Variants in NRXN1 observed in about 807,000 individuals in gnomAD.
The protein encoded by NRXN1 is neurexin-1.
Under a neutral mutation model 150.9 loss-of-function variants are expected in NRXN1, and 39 were observed. That is an observed-to-expected ratio of 0.26 (90% CI 0.20 to 0.34). The LOEUF (loss-of-function observed/expected upper bound fraction) is 0.34, where lower values mean the gene tolerates loss of function less well. Ranked by LOEUF, NRXN1 falls within the 10% of genes least tolerant of loss-of-function variation. The pLI is 1.00. For missense variants in NRXN1, 1,815 were observed against 1,949.9 expected (o/e 0.93, Z 1.30); for synonymous variants, 924 against 757.0 (o/e 1.22, Z -3.62).
intron 5 of NRXN1, among the ~76,000 whole-genome samples, chr2:50,757,362 T>G (rs909116388): frequency 2.0e-5 from 3 of 151,548 alleles, no homozygotes; most frequent in African/African-American, 7.3e-5. Context: ...AGAGAGCAAA[T>G]TGGTAATGAT....
intron 8 of NRXN1, among the ~76,000 whole-genome samples, chr2:50,605,784 C>CA (rs1376192447): frequency 6.8e-6 from 1 of 148,120 alleles, no homozygotes; most frequent in Non-Finnish European, 1.5e-5. Context: ...AGCAATCCCA[C>CA]TTCTGAATAT....
chr2:50,037,967 C>T (rs1413970632), intron 21 of NRXN1, among the ~76,000 whole-genome samples: 1 of 152,100 alleles, frequency 6.6e-6, no homozygotes, highest in Non-Finnish European at 1.5e-5. Context: ...GCCTTCTCAT[C>T]TGTCATTTGA....
intron 5 of NRXN1, among the ~76,000 whole-genome samples, chr2:50,634,963 C>A (rs193069942): frequency 6.6e-6 from 1 of 152,210 alleles, no homozygotes; most frequent in East Asian, 1.9e-4. Flanking sequence ...TCTGTCTCAT[C>A]CCCCAGCTCA....
intron 17 of NRXN1, among the ~76,000 whole-genome samples, chr2:50,243,909 T>C (rs1238787451): frequency 6.6e-6 from 1 of 151,752 alleles, no homozygotes; most frequent in South Asian, 2.1e-4. Context: ...AATAAAACAA[T>C]TGAGAAAATG....
chr2:51,007,342 GT>G (rs1667180086), intron 2 of NRXN1, among the ~76,000 whole-genome samples: 1 of 151,782 alleles, frequency 6.6e-6, no homozygotes. Flanking sequence ...ATCTAAGAGG[GT>G]TAAAAATATG....
At chr2:50,500,276 T>G (rs1249035119) in intron 13 of NRXN1, among the ~76,000 whole-genome samples, 1 of 152,008 alleles carries the variant, frequency 6.6e-6, no homozygotes, top group Non-Finnish European at 1.5e-5. Context: ...AGGAATAGAA[T>G]ATGCACACAG....
chr2:51,025,162 A>C (rs1469457700), intron 2 of NRXN1, among the ~76,000 whole-genome samples: 3 of 152,082 alleles, frequency 2.0e-5, no homozygotes, highest in Non-Finnish European at 4.4e-5. Context: ...TTTTCCTTCT[A>C]CGTTTCGTGG....
chr2:50,389,959 T>C (rs369635126), intron 17 of NRXN1, among the ~76,000 whole-genome samples: 1 of 152,152 alleles, frequency 6.6e-6, no homozygotes. Context: ...AAATTAAAAT[T>C]TCAGACTGGC....
At chr2:50,734,335 C>G (rs948864581) in intron 5 of NRXN1, among the ~76,000 whole-genome samples, 1 of 152,040 alleles carries the variant, frequency 6.6e-6, no homozygotes. Context: ...CCTCTCTTGC[C>G]CAGTGCTGCT....
chr2:50,210,268 G>A (rs1375769510), intron 18 of NRXN1, among the ~76,000 whole-genome samples: 1 of 151,606 alleles, frequency 6.6e-6, no homozygotes, highest in Non-Finnish European at 1.5e-5. Context: ...ACTCATCATC[G>A]CACTGTGTTT....
chr2:50,301,512 A>G (rs561898578), intron 17 of NRXN1, among the ~76,000 whole-genome samples: 1 of 152,268 alleles, frequency 6.6e-6, no homozygotes, highest in South Asian at 2.1e-4. Context: ...AAATTGCATA[A>G]CTGTGTTTAG....
chr2:50,664,466 G>A (rs1166841770), intron 5 of NRXN1, among the ~76,000 whole-genome samples: 1 of 149,268 alleles, frequency 6.7e-6, no homozygotes, highest in Admixed American at 6.7e-5. Context: ...TGGGTAGAAG[G>A]ATAGGCATTG....
chr2:50,889,403 ATTTG>A (rs1680725928), intron 5 of NRXN1, among the ~76,000 whole-genome samples: 1 of 151,704 alleles, frequency 6.6e-6, no homozygotes, highest in Non-Finnish European at 1.5e-5. Context: ...CTTGTCAATG[ATTTG>A]TACACAGAGC....
intron 17 of NRXN1, among the ~76,000 whole-genome samples, chr2:50,422,259 T>C (rs1025065119): frequency 1.3e-5 from 2 of 152,162 alleles, no homozygotes; most frequent in African/African-American, 4.8e-5. Context: ...TGTAACATGA[T>C]AATCAACATA....
In NRXN1 at chr2:50,496,005, G is replaced by A. The variant is rs534591485; in HGVS notation, c.2970C>T (p.Asn990=). 35 of 1,613,570 alleles carry A rather than the reference G, an allele frequency of 2.2e-5. No homozygotes were observed. Among genetic ancestry groups the A allele is most frequent in the Admixed American group, 5.0e-5 (3 of 59,970 alleles). The change falls in exon 15 of 23, where the codon AAC becomes AAT. Residue 990 remains asparagine (N), a synonymous_variant. Transcript: ENST00000401669. ...TGCTGGTGTCCCTTGATATCATCAC[G>A]TTGTGCCACTGATTGTCATTGAGAG... The part of the protein sequence containing the change: ...NKPLNDNQWH[N]VMISRDTSNL...
chr2:50,801,975 T>A (rs1404341258), intron 5 of NRXN1, among the ~76,000 whole-genome samples: 1 of 152,182 alleles, frequency 6.6e-6, no homozygotes, highest in Non-Finnish European at 1.5e-5. Context: ...TATTATATCA[T>A]CACCTACCTA....
chr2:49,974,939 T>C (rs1351980354), intron 21 of NRXN1, among the ~76,000 whole-genome samples: 15 of 152,008 alleles, frequency 9.9e-5, no homozygotes, highest in African/African-American at 3.6e-4. Flanking sequence ...TGCTGCCTTT[T>C]CTCTGAAATT....
At chr2:50,619,211 A>C (rs941539016) in intron 8 of NRXN1, 7 of 152,182 alleles carry the variant, frequency 4.6e-5, no homozygotes, top group African/African-American at 1.7e-4. Flanking sequence ...ATGTTTAGAA[A>C]TCTACACCAT....
At chr2:50,708,966 G>C (rs932622672) in intron 5 of NRXN1, among the ~76,000 whole-genome samples, 4 of 152,142 alleles carry the variant, frequency 2.6e-5, no homozygotes, top group Non-Finnish European at 5.9e-5. Context: ...ATTCACTGAG[G>C]AGAACAGGGT....
Sources: allele counts gnomAD v4.1 joint callset (sites outside exome capture counted in the v4.1 genomes callset), GRCh38; gene constraint gnomAD v4.1.1; transcripts MANE v1.5; gene names NCBI Gene and HGNC (gene_info 2026-07-23, HGNC 2026-07-21).